The following CAPZB variants were observed in gnomAD, a reference collection of about 807,000 sequenced individuals.
CAPZB encodes capping actin protein of muscle Z-line subunit beta, also known as F-actin-capping protein subunit beta.
CAPZB carries 2 observed loss-of-function variants against 38.1 expected under a neutral mutation model. That is an observed-to-expected ratio of 0.05 (90% CI 0.02 to 0.17). The LOEUF (loss-of-function observed/expected upper bound fraction) is 0.17. CAPZB is among the 10% of genes least tolerant of loss of function. CAPZB has a pLI of 1.00. For missense variants in CAPZB, 161 were observed against 334.2 expected, an observed-to-expected ratio of 0.48 and a Z score of 4.04; for synonymous variants, 107 against 127.4, an observed-to-expected ratio of 0.84 and a Z score of 1.08.
chr1:19,461,097 G>GGGGGC (rs2094550257), intron 1 of CAPZB, among the ~76,000 whole-genome samples: 3 of 10,682 alleles, frequency 2.8e-4, no homozygotes, highest in Non-Finnish European at 0.016. Flanking sequence ...GGGCGGGGGC[G>GGGGGC]GGGGGGGGAG....
intron 2 of CAPZB, among the ~76,000 whole-genome samples, chr1:19,409,353 C>T (rs190071109): frequency 1.3e-5 from 2 of 152,060 alleles, no homozygotes; most frequent in African/African-American, 4.8e-5. Context: ...CAACAAGAAA[C>T]GAATCCACCC....
rs369803885 is a variant in CAPZB, at chr1:19,345,026, C to T, written c.654+161G>A. On this transcript the variant is annotated intron_variant, in intron 7 of 8. Transcript: ENST00000264202. ...AGCCTGCTGGCATCCAAATCAGAGG[C>T]TCCAAAAATATGAGGCCAGGGCAAA... Among the ~76,000 whole-genome samples the T allele has an allele frequency of 1.3e-4, 20 of 152,312 alleles. No homozygotes were observed. The South Asian group carries it at 1.7e-3, about 13-fold the overall frequency.
intron 1 of CAPZB, chr1:19,484,362 T>G (rs1413997284): frequency 6.5e-7 from 1 of 1,550,214 alleles, no homozygotes; most frequent in Admixed American, 1.9e-5. Flanking sequence ...CGTTCATCCT[T>G]GTCCTGTGGG....
At chr1:19,379,525 C>T (rs571593910) in intron 3 of CAPZB, among the ~76,000 whole-genome samples, 6 of 152,296 alleles carry the variant, frequency 3.9e-5, no homozygotes, top group Admixed American at 1.3e-4. Context: ...GTTACAGAGG[C>T]GGGCAAGAGA....
intron 8 of CAPZB, among the ~76,000 whole-genome samples, chr1:19,343,952 C>A (rs910765129): frequency 1.3e-5 from 2 of 152,312 alleles, no homozygotes; most frequent in East Asian, 3.9e-4. Context: ...CTGCACGTTG[C>A]GCTCTGCTGT....
chr1:19,465,316 C>A (rs1196257749), intron 1 of CAPZB, among the ~76,000 whole-genome samples: 1 of 152,148 alleles, frequency 6.6e-6, no homozygotes, highest in African/African-American at 2.4e-5. Flanking sequence ...AGCTGGCCAG[C>A]CCCTTCCACC....
Position 19,385,826 on chromosome 1 carries a change from T to C in CAPZB, c.94-200A>G. 6.8e-6 allele frequency: 5 copies of C among 734,368 alleles called. No individual in the cohort carries two copies. In the South Asian group the frequency reaches 7.0e-5, roughly 10 times the overall value. The allele number at this position is 734,368 out of a possible 1,614,324, so 45.5% of individuals were successfully genotyped here. ...GTCCCTCTATAAAGAAACCCATTCTTGAATTACAGTGGAGCGTGATTTCTA... is the reference window on the plus strand; with the variant it reads ...GTCCCTCTATAAAGAAACCCATTCTCGAATTACAGTGGAGCGTGATTTCTA... On this transcript the variant is annotated intron_variant, in intron 2 of 8. Transcript: ENST00000264202.
chr1:19,479,229 A>C (rs1031587404), intron 1 of CAPZB, among the ~76,000 whole-genome samples: 7 of 152,138 alleles, frequency 4.6e-5, no homozygotes, highest in Non-Finnish European at 1.0e-4. Flanking sequence ...AACAAAAAAA[A>C]ACTAGCTTCT....
intron 1 of CAPZB, among the ~76,000 whole-genome samples, chr1:19,437,730 T>G (rs912350141): frequency 2.0e-5 from 3 of 152,146 alleles, no homozygotes; most frequent in South Asian, 4.1e-4. Flanking sequence ...CCGAATAAGC[T>G]GTTTACCAGG....
intron 4 of CAPZB, among the ~76,000 whole-genome samples, chr1:19,368,458 AAC>A (rs1409563821): frequency 6.6e-6 from 1 of 150,606 alleles, no homozygotes; most frequent in East Asian, 2.0e-4. Flanking sequence ...CAGCCTGGGC[AAC>A]AGAGTGAGAG....
chr1:19,343,287 G>C (rs2093942475), intron 8 of CAPZB, among the ~76,000 whole-genome samples: 3 of 152,188 alleles, frequency 2.0e-5, no homozygotes, highest in Admixed American at 2.0e-4. Flanking sequence ...GGTCCAAAGA[G>C]GACTCCTCCT....
At chr1:19,418,907 G>T (rs531169047) in intron 2 of CAPZB, among the ~76,000 whole-genome samples, 20 of 152,372 alleles carry the variant, frequency 1.3e-4, no homozygotes, top group African/African-American at 4.1e-4. Flanking sequence ...ACAGGACACA[G>T]TGGAAAAAAC....
intron 1 of CAPZB, among the ~76,000 whole-genome samples, chr1:19,477,398 T>A (rs140198776): frequency 6.6e-6 from 1 of 152,212 alleles, no homozygotes; most frequent in South Asian, 2.1e-4. Context: ...ACAGCTCACA[T>A]TGGAAATTCT....
intron 1 of CAPZB, among the ~76,000 whole-genome samples, chr1:19,477,103 G>A (rs972153541): frequency 1.1e-4 from 16 of 152,204 alleles, no homozygotes; most frequent in African/African-American, 3.6e-4. Flanking sequence ...ATGACTGTGG[G>A]CATCCGGTAA....
intron 1 of CAPZB, chr1:19,449,450 G>T: frequency 2.1e-6 from 1 of 475,184 alleles, no homozygotes; most frequent in South Asian, 8.7e-5. Flanking sequence ...TGTCCACTCA[G>T]TGGAACAGTA....
At chr1:19,362,815 A>C (rs2094060774) in intron 4 of CAPZB, among the ~76,000 whole-genome samples, 1 of 152,216 alleles carries the variant, frequency 6.6e-6, no homozygotes, top group African/African-American at 2.4e-5. Flanking sequence ...AGAGCTCCCC[A>C]GTGGCCAGGA....
intron 1 of CAPZB, among the ~76,000 whole-genome samples, chr1:19,480,288 G>A (rs547651415): frequency 1.3e-5 from 2 of 152,226 alleles, no homozygotes; most frequent in South Asian, 4.1e-4. Flanking sequence ...GCCAAGCACT[G>A]GAGTAAGTAC....
intron 2 of CAPZB, among the ~76,000 whole-genome samples, chr1:19,390,744 A>G (rs1452381754): frequency 6.6e-6 from 1 of 152,166 alleles, no homozygotes; most frequent in Non-Finnish European, 1.5e-5. Flanking sequence ...CAGAAGGTAG[A>G]AGGTAAGGGA....
chr1:19,402,566 C>G lies in CAPZB; in HGVS notation c.94-16940G>C, dbSNP rs192891349. ...AAAGCTCACTAGACACCAATTCACACGCTCTATCTAATCAGGCAGAAACCC... is the reference window on the plus strand; with the variant it reads ...AAAGCTCACTAGACACCAATTCACAGGCTCTATCTAATCAGGCAGAAACCC... On this transcript the variant is annotated intron_variant, in intron 2 of 8. Transcript: ENST00000264202. Among the ~76,000 whole-genome samples the G allele has an allele frequency of 3.9e-5, 6 of 152,206 alleles. No individual in the cohort carries two copies. The East Asian group carries it at 1.2e-3, about 29-fold the overall frequency.
Sources: gnomAD v4.1 joint callset for allele counts (sites outside exome capture counted in the v4.1 genomes callset) on GRCh38, gnomAD v4.1.1 for gene constraint, MANE v1.5 for transcripts, NCBI Gene and HGNC (gene_info 2026-07-23, HGNC 2026-07-21) for gene names.